SLC24A2: variants seen among roughly 807,000 people sequenced by gnomAD.
SLC24A2 encodes solute carrier family 24 member 2.
Under a neutral mutation model 62.0 loss-of-function variants are expected in SLC24A2, and 36 were observed. The observed-to-expected ratio is 0.58, with a 90% CI of 0.44 to 0.77. The LOEUF is 0.77. SLC24A2 is among the 30% of genes least tolerant of loss of function. SLC24A2 has a pLI of 0.00. For synonymous variants in SLC24A2, 358 were observed against 294.0 expected, an observed-to-expected ratio of 1.22 and a Z score of -2.23; for missense variants, 846 against 817.9, an observed-to-expected ratio of 1.03 and a Z score of -0.42.
the SLC24A2 span, among the ~76,000 whole-genome samples, chr9:20,059,577 A>C: frequency 5.8e-3 from 878 of 152,314 alleles, 6 homozygotes; most frequent in African/African-American, 0.02. Flanking sequence ...TCACAAGGCA[A>C]TTAGAAAATA....
intron 8 of SLC24A2, among the ~76,000 whole-genome samples, chr9:19,547,193 C>T (rs549660159): frequency 6.6e-6 from 1 of 152,280 alleles, no homozygotes; most frequent in African/African-American, 2.4e-5. Flanking sequence ...AAGTGTTCTT[C>T]CTAAGAGTCT....
the SLC24A2 span, among the ~76,000 whole-genome samples, chr9:19,865,425 G>C: frequency 6.6e-6 from 1 of 152,106 alleles, no homozygotes; most frequent in Admixed American, 6.5e-5. Flanking sequence ...GGAAAAAACT[G>C]TAGGAATCCC....
the SLC24A2 span, among the ~76,000 whole-genome samples, chr9:20,029,435 G>A: frequency 6.6e-6 from 1 of 152,186 alleles, no homozygotes; most frequent in South Asian, 2.1e-4. Context: ...TGTGAGGTAA[G>A]AACTCTTCAT....
the SLC24A2 span, among the ~76,000 whole-genome samples, chr9:20,219,574 G>A: frequency 6.6e-6 from 1 of 152,176 alleles, no homozygotes; most frequent in African/African-American, 2.4e-5. Flanking sequence ...ATTCTTAATA[G>A]TGCCTTCGTT....
At chr9:20,173,817 A>G in the SLC24A2 span, among the ~76,000 whole-genome samples, 3 of 151,950 alleles carry the variant, frequency 2.0e-5, no homozygotes, top group East Asian at 5.8e-4. Flanking sequence ...TCAAAATACC[A>G]CATCATTCTT....
At chr9:20,063,518 G>C in the SLC24A2 span, among the ~76,000 whole-genome samples, 3 of 150,384 alleles carry the variant, frequency 2.0e-5, no homozygotes, top group South Asian at 4.3e-4. Context: ...GGGAGGGATG[G>C]CATTGGGAGA....
At chr9:20,019,169 GAAAGAAAGAAAGAAGGA>G in the SLC24A2 span, among the ~76,000 whole-genome samples, 23 of 137,584 alleles carry the variant, frequency 1.7e-4, 1 homozygote, top group South Asian at 9.6e-4. Context: ...GAGAGAGACA[GAAAGAAAGAAAGAAGGA>G]AAAGAAAGAA....
chr9:20,168,158 T>C, the SLC24A2 span, among the ~76,000 whole-genome samples: 1 of 152,024 alleles, frequency 6.6e-6, no homozygotes, highest in South Asian at 2.1e-4. Context: ...TGTATGTCTA[T>C]CAGACCTAGA....
chr9:19,632,646 G>A lies in SLC24A2; in HGVS notation c.931-10347C>T, dbSNP rs978400921. 1.3e-5 allele frequency among the ~76,000 whole-genome samples: 2 copies of A among 152,112 alleles called. No individual in the cohort carries two copies. Among genetic ancestry groups the A allele is most frequent in the Non-Finnish European group, 2.9e-5 (2 of 68,026 alleles). ...AAACATTTTTAATAACTTCTTATTT[G>A]GAAATAATTATAGATTCACAAATAG... On this transcript the variant is annotated intron_variant, in intron 2 of 10. Transcript: ENST00000341998. This position sits in a 1 kb window ranked among gnomAD's most constrained non-coding sequence, Gnocchi z 4.5.
At chr9:19,545,871 T>C (rs369242875) in intron 8 of SLC24A2, among the ~76,000 whole-genome samples, 44 of 152,260 alleles carry the variant, frequency 2.9e-4, no homozygotes, top group East Asian at 1.9e-3. Flanking sequence ...TCTCCTGACC[T>C]TGTGATCTGC....
At chr9:19,537,271 C>G (rs141914587) in intron 8 of SLC24A2, among the ~76,000 whole-genome samples, 5,816 of 139,386 alleles carry the variant, frequency 0.042, 160 homozygotes, top group Non-Finnish European at 0.062. Context: ...ACATGAAGTC[C>G]TTGCCCATGC....
intron 2 of SLC24A2, among the ~76,000 whole-genome samples, chr9:19,700,190 T>C (rs192160572): frequency 1.3e-5 from 2 of 152,338 alleles, no homozygotes; most frequent in East Asian, 3.9e-4. Flanking sequence ...CTTGGTTTTA[T>C]GACATCACTT....
chr9:19,964,474 G>A, the SLC24A2 span, among the ~76,000 whole-genome samples: 1 of 152,162 alleles, frequency 6.6e-6, no homozygotes, highest in East Asian at 1.9e-4. Flanking sequence ...GCCACTATGT[G>A]GTTTTGATAG....
At chr9:19,516,431 G>C (rs1222164859) in intron 10 of SLC24A2, 29 bp from the exon 11 acceptor site, 2 of 1,611,660 alleles carry the variant, frequency 1.2e-6, no homozygotes, top group Admixed American at 1.7e-5. Context: ...GGGCAGAGGG[G>C]AGTGGGAAGA....
intron 2 of SLC24A2, among the ~76,000 whole-genome samples, chr9:19,636,418 TC>T (rs773133954): frequency 7.8e-5 from 4 of 51,534 alleles, no homozygotes; most frequent in East Asian, 1.7e-3. Flanking sequence ...TTTCTTTCTT[TC>T]CTCTTCTCTT....
At chr9:19,556,508 T>A (rs1388975932) in intron 7 of SLC24A2, among the ~76,000 whole-genome samples, 7 of 152,120 alleles carry the variant, frequency 4.6e-5, no homozygotes, top group African/African-American at 1.7e-4. Flanking sequence ...CTAATTCAAG[T>A]TCAGTTTTAT....
chr9:19,670,689 C>T, intron 2 of SLC24A2, among the ~76,000 whole-genome samples: 1 of 152,114 alleles, frequency 6.6e-6, no homozygotes, highest in Non-Finnish European at 1.5e-5. Flanking sequence ...TAGAACATTC[C>T]CAGGCCCATA....
chr9:20,281,073 G>C, the SLC24A2 span, among the ~76,000 whole-genome samples: 1 of 152,122 alleles, frequency 6.6e-6, no homozygotes, highest in Non-Finnish European at 1.5e-5. Flanking sequence ...GGGACTACAG[G>C]CATGAGACAC....
At chr9:20,010,658 A>G in the SLC24A2 span, among the ~76,000 whole-genome samples, 12 of 152,104 alleles carry the variant, frequency 7.9e-5, no homozygotes, top group Admixed American at 4.6e-4. Flanking sequence ...TGTGCACAAC[A>G]TGCAGGTTTG....
Sources: allele counts gnomAD v4.1 joint callset (sites outside exome capture counted in the v4.1 genomes callset), GRCh38; gene constraint gnomAD v4.1.1; non-coding constraint Gnocchi (gnomAD v3.1); transcripts MANE v1.5; gene names NCBI Gene and HGNC (gene_info 2026-07-23, HGNC 2026-07-21).